WWOX: variants seen among roughly 807,000 people sequenced by gnomAD.
The protein encoded by WWOX is WW domain-containing oxidoreductase.
A neutral mutation model predicts 46.2 loss-of-function variants in WWOX; 69 were observed. That is an observed-to-expected ratio of 1.49 (90% CI 1.23 to 1.82). The LOEUF is 1.82. WWOX is among the 40% of genes most tolerant of loss of function. The pLI is 0.00. For missense variants in WWOX, 919 were observed against 542.6 expected (o/e 1.69, Z -6.89); for synonymous variants, 359 against 202.6 (o/e 1.77, Z -6.56).
intron 8 of WWOX, among the ~76,000 whole-genome samples, chr16:78,478,970 G>T (rs542644434): frequency 4.2e-4 from 63 of 151,796 alleles, no homozygotes; most frequent in African/African-American, 1.5e-3. Context: ...TTGTCATTCT[G>T]TAGAAGTTGA....
intron 1 of WWOX, among the ~76,000 whole-genome samples, chr16:78,107,987 G>A (rs556413827): frequency 1.3e-5 from 2 of 151,794 alleles, no homozygotes; most frequent in East Asian, 1.9e-4. Context: ...GGAGTGCAGC[G>A]GCGTGATCTC....
intron 8 of WWOX, among the ~76,000 whole-genome samples, chr16:79,050,922 G>T (rs114194032): frequency 0.01 from 1,531 of 152,330 alleles, 33 homozygotes; most frequent in African/African-American, 0.035. Context: ...AAGGCAAAGT[G>T]GTTGAGGAGA....
chr16:79,129,923 C>T (rs989563354), intron 8 of WWOX, among the ~76,000 whole-genome samples: 1 of 152,200 alleles, frequency 6.6e-6, no homozygotes, highest in Non-Finnish European at 1.5e-5. Flanking sequence ...GCTGAGTCAT[C>T]TTTGGTAGGT....
intron 8 of WWOX, among the ~76,000 whole-genome samples, chr16:79,172,352 C>A (rs1170848409): frequency 6.6e-6 from 1 of 152,136 alleles, no homozygotes; most frequent in Non-Finnish European, 1.5e-5. Context: ...GGTCAAAGAT[C>A]CATGATTTCA....
chr16:78,930,279 CT>C (rs747275444), intron 8 of WWOX, among the ~76,000 whole-genome samples: 1 of 107,254 alleles, frequency 9.3e-6, no homozygotes, highest in African/African-American at 3.9e-5. Flanking sequence ...TTCTCTCTTT[CT>C]TTTTTTATTT....
chr16:78,206,743 C>G (rs1567427910), intron 5 of WWOX, among the ~76,000 whole-genome samples: 1 of 143,970 alleles, frequency 6.9e-6, no homozygotes, highest in African/African-American at 2.6e-5. Flanking sequence ...TCAGAACTAC[C>G]TTTTGACTAG....
chr16:78,286,612 T>C (rs994691885), intron 5 of WWOX, among the ~76,000 whole-genome samples: 1 of 152,084 alleles, frequency 6.6e-6, no homozygotes, highest in Non-Finnish European at 1.5e-5. Flanking sequence ...CCCTAAGAAA[T>C]GGAACTGTGG....
intron 8 of WWOX, among the ~76,000 whole-genome samples, chr16:78,604,563 A>G (rs1055344478): frequency 6.6e-5 from 10 of 152,158 alleles, no homozygotes; most frequent in African/African-American, 2.2e-4. Flanking sequence ...GCTACGTTGT[A>G]TCAATTTTAA....
At position 79,095,618 on chromosome 16, in the gene WWOX, C is replaced by T. The variant is rs540156293; in HGVS notation, c.1057-115990C>T. 1.4e-4 allele frequency among the ~76,000 whole-genome samples: 21 copies of T among 152,242 alleles called. No homozygotes were observed. In the East Asian group the frequency reaches 3.9e-3, roughly 28 times the overall value. On this transcript the variant is annotated intron_variant, in intron 8 of 8. Coordinates refer to ENST00000566780, the MANE Select transcript of WWOX (RefSeq NM_016373.4). The stretch of plus-strand genomic sequence containing the variant: ...TAGTTATCACTCATCTAGCGGAAGT[C>T]GATCTTCTTGGGACATGAGTAGGCT...
intron 8 of WWOX, among the ~76,000 whole-genome samples, chr16:78,915,258 A>T (rs2045220705): frequency 6.6e-6 from 1 of 152,186 alleles, no homozygotes; most frequent in Non-Finnish European, 1.5e-5. Context: ...TTACATGACC[A>T]TTCCAGTCAT....
intron 3 of WWOX, among the ~76,000 whole-genome samples, chr16:78,110,265 A>G: frequency 6.8e-6 from 1 of 147,762 alleles, no homozygotes; most frequent in East Asian, 2.1e-4. Flanking sequence ...ACTTGAACCC[A>G]GGAGGCGGAA....
At chr16:79,107,010 C>A (rs546642076) in intron 8 of WWOX, among the ~76,000 whole-genome samples, 1 of 152,058 alleles carries the variant, frequency 6.6e-6, no homozygotes, top group East Asian at 1.9e-4. Context: ...GGGGTTTCAC[C>A]ATGGTGGCCA....
At chr16:78,833,091 C>T (rs1006910482) in intron 8 of WWOX, among the ~76,000 whole-genome samples, 8 of 150,398 alleles carry the variant, frequency 5.3e-5, no homozygotes, top group Admixed American at 3.3e-4. Context: ...GCCCAGGCTG[C>T]AGTGCAGTGG....
At chr16:78,791,503 C>T (rs929856134) in intron 8 of WWOX, among the ~76,000 whole-genome samples, 2 of 152,122 alleles carry the variant, frequency 1.3e-5, no homozygotes, top group African/African-American at 4.8e-5. Flanking sequence ...GTGGTCTTGG[C>T]CTTTCTCTTG....
At chr16:78,510,725 C>A (rs1450573759) in intron 8 of WWOX, among the ~76,000 whole-genome samples, 1 of 151,990 alleles carries the variant, frequency 6.6e-6, no homozygotes, top group African/African-American at 2.4e-5. Context: ...TCCTTCGTAT[C>A]AGTAAAATGT....
intron 6 of WWOX, among the ~76,000 whole-genome samples, chr16:78,391,245 T>C (rs1409080780): frequency 2.0e-5 from 3 of 152,214 alleles, no homozygotes; most frequent in Admixed American, 6.5e-5. Flanking sequence ...ACCATGATTA[T>C]GTAAACAATA....
At chr16:78,920,568 T>G (rs1481702197) in intron 8 of WWOX, among the ~76,000 whole-genome samples, 2 of 152,128 alleles carry the variant, frequency 1.3e-5, no homozygotes, top group East Asian at 3.9e-4. Flanking sequence ...CTGCCCTTGT[T>G]AAATGTCAGC....
At position 79,212,110 on chromosome 16, in the gene WWOX, C is replaced by A; in HGVS notation, c.*314C>A. 1 of 1,535,794 alleles carries A rather than the reference C, an allele frequency of 6.5e-7. No homozygotes were observed. The highest frequency in any genetic ancestry group is 1.4e-5 in the African/African-American group (1 of 73,016). The stretch of plus-strand genomic sequence containing the variant: ...TGGAGAAGCACCAGCAATTCTCTTT[C>A]TTTTACTGTTATAGAATAGCCTGAG... On this transcript the variant is annotated 3_prime_UTR_variant, in exon 9 of 9. Coordinates refer to ENST00000566780, the MANE Select transcript of WWOX (RefSeq NM_016373.4).
chr16:78,507,013 C>T (rs1011176771), intron 8 of WWOX, among the ~76,000 whole-genome samples: 2 of 152,168 alleles, frequency 1.3e-5, no homozygotes, highest in African/African-American at 4.8e-5. Context: ...CGTGCACGAC[C>T]TCAGGGTCCC....
Sources: allele counts gnomAD v4.1 joint callset (sites outside exome capture counted in the v4.1 genomes callset), GRCh38; gene constraint gnomAD v4.1.1; transcripts MANE v1.5; gene names NCBI Gene and HGNC (gene_info 2026-07-23, HGNC 2026-07-21).